Variants in LOXL2 observed in about 807,000 individuals in gnomAD.
LOXL2 encodes lysyl oxidase homolog 2.
LOXL2 carries 70 observed loss-of-function variants against 93.0 expected under a neutral mutation model. The ratio of observed to expected loss-of-function variants is 0.75; its 90% CI spans 0.62 to 0.92. The LOEUF (loss-of-function observed/expected upper bound fraction) is 0.92. LOXL2 is among the 40% of genes least tolerant of loss of function. The pLI is 0.00. For missense variants in LOXL2, 973 were observed against 1,054.9 expected (o/e 0.92, Z 1.08); for synonymous variants, 438 against 413.2 (o/e 1.06, Z -0.73).
intron 1 of LOXL2, among the ~76,000 whole-genome samples, chr8:23,380,613 T>G (rs1804669107): frequency 6.6e-6 from 1 of 151,836 alleles, no homozygotes; most frequent in African/African-American, 2.4e-5. Flanking sequence ...TGCTTTTCTC[T>G]TCTTTTAAAA....
chr8:23,322,417 A>G (rs780310517), intron 6 of LOXL2, 136 bp from the exon 7 acceptor site: 27 of 679,466 alleles, frequency 4.0e-5, no homozygotes, highest in South Asian at 1.2e-4. Flanking sequence ...AATCAGCTCA[A>G]TGACCCAAGC....
chr8:23,307,460 G>C (rs1803247202), intron 10 of LOXL2, among the ~76,000 whole-genome samples: 1 of 152,148 alleles, frequency 6.6e-6, no homozygotes, highest in Non-Finnish European at 1.5e-5. Flanking sequence ...AAAAGTGGGG[G>C]AGCAGGGGGT....
intron 1 of LOXL2, among the ~76,000 whole-genome samples, chr8:23,386,582 A>T (rs1385144312): frequency 2.0e-5 from 3 of 152,144 alleles, no homozygotes; most frequent in African/African-American, 7.2e-5. Context: ...ATTTCACAAA[A>T]GAAATAAAAA....
At chr8:23,374,399 G>T (rs534630499) in intron 1 of LOXL2, among the ~76,000 whole-genome samples, 4 of 152,040 alleles carry the variant, frequency 2.6e-5, no homozygotes, top group Non-Finnish European at 5.9e-5. Context: ...GAATAGTGCC[G>T]CAATAAACAT....
At chr8:23,342,898 A>G (rs6557654) in intron 3 of LOXL2, among the ~76,000 whole-genome samples, 59,045 of 151,904 alleles carry the variant, frequency 0.39, 13,161 homozygotes, top group African/African-American at 0.62. Flanking sequence ...GTAGAGGTGT[A>G]CATCACCACG....
At chr8:23,345,858 G>C (rs1425162214) in intron 3 of LOXL2, among the ~76,000 whole-genome samples, 3 of 151,992 alleles carry the variant, frequency 2.0e-5, no homozygotes, top group African/African-American at 7.3e-5. Context: ...CACGAGGTCA[G>C]GAGATTGGGA....
At chr8:23,395,334 A>AC (rs1271367739) in intron 1 of LOXL2, among the ~76,000 whole-genome samples, 10 of 151,828 alleles carry the variant, frequency 6.6e-5, no homozygotes, top group African/African-American at 2.4e-4. Context: ...AAAAAAAAAA[A>AC]ACCACATATT....
chr8:23,333,631 C>T lies in LOXL2; in HGVS notation c.744-8G>A, dbSNP rs769029807. ...CTCCGTGAGGCAAACATTCTGCAGACGATGGGAGGGGACAGGGGACCAGGG... is the reference window on the plus strand; with the variant it reads ...CTCCGTGAGGCAAACATTCTGCAGATGATGGGAGGGGACAGGGGACCAGGG... On this transcript the variant is annotated splice_region_variant and splice_polypyrimidine_tract_variant and intron_variant, in intron 4 of 13. Coordinates refer to ENST00000389131, the MANE Select transcript of LOXL2 (RefSeq NM_002318.3). 2.1e-5 allele frequency: 34 copies of T among 1,609,328 alleles called. No individual in the cohort carries two copies. The highest frequency in any genetic ancestry group is 1.3e-4 in the Admixed American group (8 of 59,948).
At chr8:23,381,643 T>C (rs918331166) in intron 1 of LOXL2, among the ~76,000 whole-genome samples, 1 of 152,250 alleles carries the variant, frequency 6.6e-6, no homozygotes, top group African/African-American at 2.4e-5. Context: ...CTCCCTGCCT[T>C]ATACCCCTTT....
At chr8:23,298,213 G>C in intron 13 of LOXL2, 91 bp from the exon 14 acceptor site, 3 of 899,588 alleles carry the variant, frequency 3.3e-6, no homozygotes, top group Non-Finnish European at 5.4e-6. Context: ...CTCAGGGGCT[G>C]CTGGGGCCAC....
At position 23,365,654 on chromosome 8, in the gene LOXL2, G is replaced by C. The variant is rs1410034109; in HGVS notation, c.355+2343C>G. ...CTTCGTTAATACACCTCCTCTCTCA[G>C]AGACTGTCCTCCATCCTGCTCCAGC... is the stretch of plus-strand genomic sequence containing the variant. On this transcript the variant is annotated intron_variant, in intron 2 of 13. Transcript: ENST00000389131. The C allele has an allele frequency of 2.6e-5, 4 of 151,808 alleles. No homozygotes were observed. In the East Asian group the frequency reaches 7.7e-4, roughly 29 times the overall value. The allele number at this position is 151,808 out of a possible 1,614,324, so 9.4% of individuals were successfully genotyped here.
In LOXL2 at chr8:23,333,506, C is replaced by A; in HGVS notation, c.861G>T (p.Lys287Asn). ...LGPQVSLDPMKNVTCENGLPA... is the reference protein window; with the variant it reads ...LGPQVSLDPMNNVTCENGLPA... ...GTAGCCCATTCTCGCAGGTGACATT[C>A]TTCATGGGGTCCAGTGACACCTGGG... Residue 287 changes from lysine to asparagine, a missense_variant, in exon 5 of 14, where the codon AAG (lysine) becomes AAT (asparagine). Lys to Asn is a moderately conservative substitution (Grantham distance 94). Transcript: ENST00000389131. 3 of 1,614,036 alleles carry A rather than the reference C, an allele frequency of 1.9e-6. No individual in the cohort carries two copies. The highest frequency in any genetic ancestry group is 2.5e-6 in the Non-Finnish European group (3 of 1,180,044).
chr8:23,396,220 A>G (rs1433264246), intron 1 of LOXL2, among the ~76,000 whole-genome samples: 1 of 152,088 alleles, frequency 6.6e-6, no homozygotes. Flanking sequence ...CGGGAGGCTG[A>G]GGCAAGAGAA....
intron 12 of LOXL2, among the ~76,000 whole-genome samples, chr8:23,301,729 T>C (rs1037004725): frequency 6.6e-6 from 1 of 152,158 alleles, no homozygotes; most frequent in African/African-American, 2.4e-5. Flanking sequence ...TGGAATAAAC[T>C]GGCCGGAGGA....
intron 3 of LOXL2, among the ~76,000 whole-genome samples, chr8:23,359,067 T>C (rs1445921529): frequency 1.4e-4 from 21 of 152,202 alleles, no homozygotes; most frequent in Non-Finnish European, 5.9e-5. Flanking sequence ...TTAGCCAGGA[T>C]GGTCTCGATC....
At chr8:23,397,766 A>G (rs1351603485) in intron 1 of LOXL2, among the ~76,000 whole-genome samples, 18 of 147,896 alleles carry the variant, frequency 1.2e-4, no homozygotes, top group Non-Finnish European at 2.2e-4. Context: ...GCAACAGAGC[A>G]AGACTCTGTC....
intron 7 of LOXL2, 60 bp from the exon 8 acceptor site, chr8:23,320,112 C>T (rs1391941524): frequency 5.2e-6 from 8 of 1,547,128 alleles, no homozygotes; most frequent in Non-Finnish European, 7.1e-6. Context: ...CCCCCCTACG[C>T]TGCCATCAGC....
chr8:23,387,999 T>C (rs1481608064), intron 1 of LOXL2, among the ~76,000 whole-genome samples: 4 of 152,104 alleles, frequency 2.6e-5, no homozygotes, highest in African/African-American at 9.7e-5. Flanking sequence ...AAACATCTTT[T>C]CAGGCCTGTT....
At chr8:23,388,290 A>G (rs1246430520) in intron 1 of LOXL2, among the ~76,000 whole-genome samples, 2 of 152,028 alleles carry the variant, frequency 1.3e-5, no homozygotes, top group African/African-American at 4.8e-5. Context: ...AACAACTTAA[A>G]ATTTAGAAAT....
Sources: allele counts gnomAD v4.1 joint callset (sites outside exome capture counted in the v4.1 genomes callset), GRCh38; gene constraint gnomAD v4.1.1; transcripts MANE v1.5; gene names NCBI Gene and HGNC (gene_info 2026-07-23, HGNC 2026-07-21).